The following TAFA2 variants were observed in gnomAD, a reference collection of about 807,000 sequenced individuals.
The protein encoded by TAFA2 is TAFA chemokine like family member 2, also known as chemokine-like protein TAFA-2.
In TAFA2, 7 loss-of-function variants were observed where a neutral mutation model predicts 18.8. The observed-to-expected ratio is 0.37, with a 90% CI of 0.21 to 0.70. TAFA2 has a LOEUF of 0.70. TAFA2 is among the 30% of genes least tolerant of loss of function. TAFA2 has a pLI of 0.53. For missense variants in TAFA2, 122 were observed against 158.1 expected (o/e 0.77, Z 1.23); for synonymous variants, 60 against 54.2 (o/e 1.11, Z -0.47).
intron 2 of TAFA2, among the ~76,000 whole-genome samples, chr12:61,811,926 A>G (rs1325977856): frequency 6.6e-6 from 1 of 151,526 alleles, no homozygotes; most frequent in Non-Finnish European, 1.5e-5. Context: ...GTTATACACT[A>G]GGTAGATAAA....
chr12:62,191,093 T>C (rs1402956341), intron 1 of TAFA2, among the ~76,000 whole-genome samples, 166 bp downstream of exon 1: 2 of 151,990 alleles, frequency 1.3e-5, no homozygotes, highest in Non-Finnish European at 2.9e-5. Flanking sequence ...TGGACCCGCA[T>C]CTGCCCTCAC....
At position 61,902,091 on chromosome 12, in the gene TAFA2, T is replaced by TAAAAAAAAA. The variant is rs750989820; in HGVS notation, c.-1-34674_-1-34666dup. Among the ~76,000 whole-genome samples, 447 of 116,374 alleles carry TAAAAAAAAA rather than the reference T, an allele frequency of 3.8e-3. 17 individuals carry two copies. Among genetic ancestry groups the TAAAAAAAAA allele is most frequent in the African/African-American group, 0.015 (428 of 27,852 alleles). The allele number at this position is 116,374 out of a possible 152,430, so 76.3% of individuals were successfully genotyped here. Reference sequence around the variant, plus strand: ...TGATGTAATCATGGTGCAGGAATGTTAAAAAAAAAAAAAAAAAAAAAACCT... The same window carrying TAAAAAAAAA: ...TGATGTAATCATGGTGCAGGAATGTTAAAAAAAAAAAAAAAAAAAAAAAAAAAAAAACCT... On this transcript the variant is annotated intron_variant, in intron 1 of 4. Transcript: ENST00000416284.
At chr12:62,106,160 C>G (rs1183790219) in intron 1 of TAFA2, among the ~76,000 whole-genome samples, 1 of 151,320 alleles carries the variant, frequency 6.6e-6, no homozygotes, top group Non-Finnish European at 1.5e-5. Flanking sequence ...TGGTGAAACC[C>G]CATCTCTGCT....
At chr12:62,049,513 A>G (rs1046297153) in intron 1 of TAFA2, among the ~76,000 whole-genome samples, 1 of 152,220 alleles carries the variant, frequency 6.6e-6, no homozygotes, top group East Asian at 1.9e-4. Context: ...GAACAAGCAC[A>G]TAGTGGGGAG....
chr12:61,730,506 G>A (rs1009281917), intron 4 of TAFA2, among the ~76,000 whole-genome samples: 1 of 152,040 alleles, frequency 6.6e-6, no homozygotes, highest in Admixed American at 6.6e-5. Context: ...TTGCCTACCA[G>A]GGTAGGTAGA....
chr12:61,864,555 C>T (rs1874268716), intron 2 of TAFA2, among the ~76,000 whole-genome samples: 1 of 151,214 alleles, frequency 6.6e-6, no homozygotes, highest in Non-Finnish European at 1.5e-5. Flanking sequence ...GGGCGGATCA[C>T]GAGGTCAGGA....
At chr12:62,236,421 T>C (rs1214139450) in intron 1 of TAFA2, among the ~76,000 whole-genome samples, 2 of 152,030 alleles carry the variant, frequency 1.3e-5, no homozygotes, top group African/African-American at 4.8e-5. Flanking sequence ...CCTGCCACCA[T>C]GCCTGGCTAA....
intron 1 of TAFA2, among the ~76,000 whole-genome samples, chr12:62,236,175 T>C (rs979497861): frequency 2.0e-5 from 3 of 152,218 alleles, no homozygotes; most frequent in African/African-American, 7.2e-5. Context: ...TGAAGGATTG[T>C]ATACCATAAT....
At chr12:62,168,292 A>G (rs1401284254) in intron 1 of TAFA2, among the ~76,000 whole-genome samples, 2 of 152,226 alleles carry the variant, frequency 1.3e-5, no homozygotes, top group African/African-American at 4.8e-5. Flanking sequence ...GCATCAATAA[A>G]GATACACAAC....
At chr12:61,929,992 CTG>C (rs1877485073) in intron 1 of TAFA2, among the ~76,000 whole-genome samples, 1 of 141,270 alleles carries the variant, frequency 7.1e-6, no homozygotes, top group African/African-American at 2.9e-5. Flanking sequence ...ACATCACACT[CTG>C]GGGACTGTTG....
chr12:61,940,311 C>T (rs545330010), intron 1 of TAFA2, among the ~76,000 whole-genome samples: 3 of 152,214 alleles, frequency 2.0e-5, no homozygotes, highest in Non-Finnish European at 2.9e-5. Flanking sequence ...AGGGGACCCA[C>T]ATTTTCAGCT....
intron 2 of TAFA2, among the ~76,000 whole-genome samples, chr12:61,791,670 T>A (rs916291191): frequency 1.3e-5 from 2 of 151,910 alleles, no homozygotes; most frequent in Non-Finnish European, 2.9e-5. Flanking sequence ...CACAGTGAGA[T>A]ATCAACTCAC....
chr12:62,254,789 C>A (rs1012112040), intron 1 of TAFA2, among the ~76,000 whole-genome samples: 4 of 152,184 alleles, frequency 2.6e-5, no homozygotes, highest in Non-Finnish European at 4.4e-5. Context: ...TTCCATCAGT[C>A]CTGAAACATA....
intron 1 of TAFA2, among the ~76,000 whole-genome samples, chr12:61,950,473 A>G (rs1303404102): frequency 6.6e-6 from 1 of 152,072 alleles, no homozygotes; most frequent in East Asian, 1.9e-4. Flanking sequence ...ATATGAGGTA[A>G]TATCTCATAG....
At chr12:62,190,851 C>T (rs1238209261) in intron 1 of TAFA2, among the ~76,000 whole-genome samples, 2 of 152,058 alleles carry the variant, frequency 1.3e-5, no homozygotes, top group African/African-American at 4.8e-5. Context: ...GGAATGCGAC[C>T]CCCAACTCCT....
intron 1 of TAFA2, among the ~76,000 whole-genome samples, chr12:61,999,776 C>T (rs527371409): frequency 1.3e-5 from 2 of 152,236 alleles, no homozygotes; most frequent in Admixed American, 6.5e-5. Flanking sequence ...TAAAATCCTG[C>T]AATTAGAGCT....
rs1048011906 is a variant in TAFA2 at position 61,771,920 on chromosome 12, A to C, written c.107-16896T>G. On this transcript the variant is annotated intron_variant, in intron 2 of 4. Transcript: ENST00000416284. ...AAATGAAATTGAAACAAAAAAAAAA[A>C]CAGATAAATGAAACAAAAATATGTT... is the stretch of plus-strand genomic sequence containing the variant. Among the ~76,000 whole-genome samples, 200 of 144,054 alleles carry C rather than the reference A, an allele frequency of 1.4e-3. 1 individual carries two copies. Among genetic ancestry groups the C allele is most frequent in the African/African-American group, 4.9e-3 (191 of 39,318 alleles). The allele number at this position is 144,054 out of a possible 152,430, so 94.5% of individuals were successfully genotyped here.
intron 4 of TAFA2, among the ~76,000 whole-genome samples, chr12:61,715,756 A>T (rs1329251439): frequency 6.6e-6 from 1 of 151,932 alleles, no homozygotes; most frequent in Middle Eastern, 3.4e-3. Flanking sequence ...TACAAAAAAA[A>T]AAAAAATTAA....
chr12:61,738,622 T>G (rs986247532), intron 4 of TAFA2, among the ~76,000 whole-genome samples: 1 of 152,038 alleles, frequency 6.6e-6, no homozygotes, highest in Middle Eastern at 3.2e-3. Context: ...TAGAGCACCT[T>G]TACAATTGTG....
Sources: allele counts gnomAD v4.1 joint callset (sites outside exome capture counted in the v4.1 genomes callset), GRCh38; gene constraint gnomAD v4.1.1; transcripts MANE v1.5; gene names NCBI Gene and HGNC (gene_info 2026-07-23, HGNC 2026-07-21).